The following PCNX2 variants were observed in gnomAD, a reference collection of about 807,000 sequenced individuals.
PCNX2 encodes the protein pecanex 2.
Under a neutral mutation model 223.8 loss-of-function variants are expected in PCNX2, and 168 were observed. That is an observed-to-expected ratio of 0.75 (90% CI 0.66 to 0.85). PCNX2 has a LOEUF of 0.85. Among genes scored for constraint, PCNX2 ranks in the 40% least tolerant of loss-of-function variants. PCNX2 has a pLI of 0.00. For missense variants in PCNX2, 2,507 were observed against 2,675.5 expected (o/e 0.94, Z 1.39); for synonymous variants, 1,006 against 1,052.6 (o/e 0.96, Z 0.86).
rs961267450 is a variant in PCNX2 at position 233,213,687 on chromosome 1, T to C, written c.2691+4212A>G. 5.3e-5 allele frequency among the ~76,000 whole-genome samples: 8 copies of C among 152,282 alleles called. No homozygotes were observed. The South Asian group carries it at 1.7e-3, about 32-fold the overall frequency. On this transcript the variant is annotated intron_variant, in intron 12 of 33. Transcript: ENST00000258229. ...GAATGCATAACAAGCTGTAGCCCTC[T>C]TTGGAGTTTGTACTGTAAGGAATCA...
chr1:233,212,076 G>A (rs1461170988), intron 12 of PCNX2, among the ~76,000 whole-genome samples: 1 of 151,980 alleles, frequency 6.6e-6, no homozygotes, highest in Non-Finnish European at 1.5e-5. Flanking sequence ...ATTATTTTTT[G>A]GTGGCTGTTG....
At chr1:233,261,936 G>A (rs1660070068) in intron 3 of PCNX2, 109 bp downstream of exon 3, 1 of 1,507,720 alleles carries the variant, frequency 6.6e-7, no homozygotes, top group Non-Finnish European at 9.2e-7. Flanking sequence ...ACACGGGCCA[G>A]TGATTACAGC....
At chr1:233,319,106 G>A in the PCNX2 span, among the ~76,000 whole-genome samples, 1 of 152,020 alleles carries the variant, frequency 6.6e-6, no homozygotes, top group East Asian at 1.9e-4. Context: ...CCCTCTCTCG[G>A]GTTGCTATCT....
chr1:233,235,167 G>A (rs1372503972), intron 9 of PCNX2, among the ~76,000 whole-genome samples: 1 of 152,162 alleles, frequency 6.6e-6, no homozygotes, highest in African/African-American at 2.4e-5. Context: ...AGGAGGAGGA[G>A]AGCCTGAATA....
the PCNX2 span, among the ~76,000 whole-genome samples, chr1:233,307,778 A>AG: frequency 6.6e-6 from 1 of 152,320 alleles, no homozygotes; most frequent in South Asian, 2.1e-4. Flanking sequence ...AAGCACAGAG[A>AG]GGTTAAGTAA....
intron 25 of PCNX2, among the ~76,000 whole-genome samples, chr1:233,026,504 G>A (rs1030751500): frequency 5.3e-5 from 8 of 152,126 alleles, no homozygotes; most frequent in African/African-American, 9.7e-5. Context: ...AAGGACTGTC[G>A]AGGGAACAAG....
intron 12 of PCNX2, among the ~76,000 whole-genome samples, chr1:233,212,982 G>A (rs1681903524): frequency 6.6e-6 from 1 of 152,148 alleles, no homozygotes; most frequent in Non-Finnish European, 1.5e-5. Context: ...GATGTGATGT[G>A]ATCCATCATG....
intron 13 of PCNX2, among the ~76,000 whole-genome samples, chr1:233,204,946 A>G (rs1410143942): frequency 1.3e-5 from 2 of 152,278 alleles, no homozygotes; most frequent in South Asian, 2.1e-4. Flanking sequence ...ATTTAAAAAT[A>G]AAATAAAATA....
intron 1 of PCNX2, among the ~76,000 whole-genome samples, chr1:233,281,262 CAGAAATAACAAA>C (rs1661180492): frequency 6.6e-6 from 1 of 152,092 alleles, no homozygotes; most frequent in South Asian, 2.1e-4. Flanking sequence ...GTCTTGAAAA[CAGAAATAACAAA>C]AGACAAGTCT....
chr1:233,259,369 T>C, intron 4 of PCNX2, 25 bp from the exon 5 acceptor site: 2 of 1,572,376 alleles, frequency 1.3e-6, no homozygotes, highest in Non-Finnish European at 1.7e-6. Context: ...GGCAACTTTA[T>C]TAGCATCAGA....
chr1:233,016,881 A>C (rs751751691), intron 27 of PCNX2, 40 bp downstream of exon 27: 5 of 1,582,098 alleles, frequency 3.2e-6, no homozygotes, highest in Non-Finnish European at 4.3e-6. Flanking sequence ...TATTTATTAA[A>C]CTTACATTCC....
At chr1:233,326,766 G>T in the PCNX2 span, among the ~76,000 whole-genome samples, 591 of 152,268 alleles carry the variant, frequency 3.9e-3, 3 homozygotes, top group African/African-American at 0.013. Flanking sequence ...TAATATTTTA[G>T]AATTTTAATA....
intron 25 of PCNX2, among the ~76,000 whole-genome samples, chr1:233,027,300 G>C (rs924610487): frequency 2.0e-5 from 3 of 152,198 alleles, no homozygotes; most frequent in Non-Finnish European, 4.4e-5. Context: ...AGTCTCATGA[G>C]CGTGAATTCA....
chr1:233,017,353 T>C (rs567077893), intron 26 of PCNX2, among the ~76,000 whole-genome samples, 199 bp from the exon 27 acceptor site: 1 of 137,634 alleles, frequency 7.3e-6, no homozygotes, highest in African/African-American at 2.8e-5. Flanking sequence ...AGTCTTGCTC[T>C]GTCACCCAGG....
At chr1:233,053,018 GT>G (rs1672062007) in intron 25 of PCNX2, among the ~76,000 whole-genome samples, 1 of 151,472 alleles carries the variant, frequency 6.6e-6, no homozygotes, top group African/African-American at 2.4e-5. Flanking sequence ...GTCCTAAATG[GT>G]TTCCCTGCTT....
At position 233,139,868 on chromosome 1, in the gene PCNX2, T is replaced by C. The variant is rs773824569; in HGVS notation, c.3518-13A>G. ...AAATGGGCAACATCTGAAAGAAATATAAAAACCACTTAGAACAACCACCGA... is the reference window on the plus strand; with the variant it reads ...AAATGGGCAACATCTGAAAGAAATACAAAAACCACTTAGAACAACCACCGA... On this transcript the variant is annotated splice_polypyrimidine_tract_variant and intron_variant, in intron 19 of 33. Transcript: ENST00000258229. This position sits in a 1 kb window ranked among gnomAD's most constrained non-coding sequence, Gnocchi z 4.4. 7.5e-6 allele frequency: 12 copies of C among 1,609,038 alleles called. No individual in the cohort carries two copies. The Admixed American group carries it at 1.7e-4, about 23-fold the overall frequency.
At chr1:233,060,982 C>T (rs1225691838) in intron 23 of PCNX2, among the ~76,000 whole-genome samples, 1 of 152,204 alleles carries the variant, frequency 6.6e-6, no homozygotes, top group Non-Finnish European at 1.5e-5. Context: ...CTCTCTAAGT[C>T]AAGCACCTTC....
chr1:233,161,437 G>C lies in PCNX2; in HGVS notation c.3274-74C>G, dbSNP rs969110410. 3 of 1,288,306 alleles carry C rather than the reference G, an allele frequency of 2.3e-6. No individual in the cohort carries two copies. In the African/African-American group the frequency reaches 4.4e-5, roughly 19 times the overall value. The allele number at this position is 1,288,306 out of a possible 1,614,324, so 79.8% of individuals were successfully genotyped here. ...AACTCTGTGTAACCAGGTAAATCAA[G>C]CAGCAGGACATTGACCCAAGATAAA... On this transcript the variant is annotated intron_variant, in intron 17 of 33. Transcript: ENST00000258229.
Position 233,113,089 on chromosome 1 carries a change from G to A in PCNX2, c.3838-17226C>T. On this transcript the variant is annotated intron_variant, in intron 21 of 33. Coordinates refer to ENST00000258229, the MANE Select transcript of PCNX2 (RefSeq NM_014801.4). ...AACACTAAGAATGCAGCCACAGGCTGTGGTCACAACGCAGTGAGCTGGCCA... is the reference window on the plus strand; with the variant it reads ...AACACTAAGAATGCAGCCACAGGCTATGGTCACAACGCAGTGAGCTGGCCA... The A allele has an allele frequency of 4.4e-6, 5 of 1,130,368 alleles. No homozygotes were observed. In the South Asian group the frequency reaches 6.7e-5, roughly 15 times the overall value. The allele number at this position is 1,130,368 out of a possible 1,614,324, so 70.0% of individuals were successfully genotyped here. A position where few individuals can be genotyped will look rare whatever the true frequency, so the allele number is the denominator to read the frequency against.
Sources: gnomAD v4.1 joint callset for allele counts (sites outside exome capture counted in the v4.1 genomes callset) on GRCh38, gnomAD v4.1.1 for gene constraint, Gnocchi (gnomAD v3.1) non-coding constraint, MANE v1.5 for transcripts, NCBI Gene and HGNC (gene_info 2026-07-23, HGNC 2026-07-21) for gene names.